The following PPP2R5A variants were observed in gnomAD, a reference collection of about 807,000 sequenced individuals.
PPP2R5A encodes the protein protein phosphatase 2 regulatory subunit B'alpha.
A neutral mutation model predicts 64.2 loss-of-function variants in PPP2R5A; 25 were observed. The ratio of observed to expected loss-of-function variants is 0.39; its 90% CI spans 0.28 to 0.54. The LOEUF (loss-of-function observed/expected upper bound fraction) is 0.54. Among genes scored for constraint, PPP2R5A ranks in the 20% least tolerant of loss-of-function variants. PPP2R5A has a pLI of 0.67. For synonymous variants in PPP2R5A, 198 were observed against 201.2 expected, an observed-to-expected ratio of 0.98 and a Z score of 0.13; for missense variants, 425 against 576.3, an observed-to-expected ratio of 0.74 and a Z score of 2.69.
chr1:212,286,186 C>T lies in PPP2R5A; in HGVS notation c.76C>T (p.Arg26Trp). ...CTCGGAGAAAGTGGACGGCTTCACC[C>T]GGAAATCGGTCCGCAAGGCGCAGAG... ...SASEKVDGFT[R>W]KSVRKAQRQK... is the part of the protein sequence containing the mutation. Residue 26 changes from arginine to tryptophan, a missense_variant, in exon 1 of 13, where the codon CGG (arginine) becomes TGG (tryptophan). This residue lies in a region of PPP2R5A where 104 missense variants were observed against 95.7 expected (regional missense o/e 1.09). Coordinates refer to ENST00000261461, the MANE Select transcript of PPP2R5A (RefSeq NM_006243.4). 1 of 1,589,680 alleles carries T rather than the reference C, an allele frequency of 6.3e-7. No individual in the cohort carries two copies. Among genetic ancestry groups the T allele is most frequent in the Non-Finnish European group, 8.6e-7 (1 of 1,169,452 alleles).
At chr1:212,290,379 A>G (rs1330178415) in intron 1 of PPP2R5A, among the ~76,000 whole-genome samples, 2 of 152,220 alleles carry the variant, frequency 1.3e-5, no homozygotes. Context: ...CTATCATTCC[A>G]TCTAAACACA....
Position 212,329,126 on chromosome 1 carries a change from T to C in PPP2R5A, c.182-9T>C. 6.8e-7 allele frequency: 1 copy of C among 1,476,324 alleles called. No homozygotes were observed. Among genetic ancestry groups the C allele is most frequent in the Non-Finnish European group, 9.0e-7 (1 of 1,110,022 alleles). The allele number at this position is 1,476,324 out of a possible 1,614,324, so 91.5% of individuals were successfully genotyped here. A position where few individuals can be genotyped will look rare whatever the true frequency, so the allele number is the denominator to read the frequency against. ...TTATTTCTAAGTTTTTCTTTATTTT[T>C]ATTTATAGATGCCACTTCAAATGAA... is the stretch of plus-strand genomic sequence containing the variant. On this transcript the variant is annotated splice_polypyrimidine_tract_variant and intron_variant, in intron 1 of 12. Transcript: ENST00000261461.
rs1250450331 is a variant in PPP2R5A at position 212,320,785 on chromosome 1, G to A, written c.182-8350G>A. Among the ~76,000 whole-genome samples the A allele has an allele frequency of 2.3e-3, 321 of 137,032 alleles. 1 individual carries two copies. The highest frequency in any genetic ancestry group is 4.2e-3 in the Non-Finnish European group (261 of 62,420). The allele number at this position is 137,032 out of a possible 152,430, so 89.9% of individuals were successfully genotyped here. On this transcript the variant is annotated intron_variant, in intron 1 of 12. Transcript: ENST00000261461. The stretch of plus-strand genomic sequence containing the variant: ...CGGGCAGAGGCGCCCCTCACCTCCC[G>A]GATGGTGCGGCTGGCCGGGCGGGGG...
intron 1 of PPP2R5A, among the ~76,000 whole-genome samples, chr1:212,318,883 ATTTTACATAAGGGACTTGAGCATCCTC>A: frequency 6.6e-6 from 1 of 152,232 alleles, no homozygotes; most frequent in Non-Finnish European, 1.5e-5. Flanking sequence ...ATACTAGACC[ATTTTACATAAGGGACTTGAGCATCCTC>A]AGATTTTTGT....
intron 3 of PPP2R5A, among the ~76,000 whole-genome samples, chr1:212,334,393 C>G (rs984416001): frequency 6.6e-6 from 1 of 152,040 alleles, no homozygotes; most frequent in African/African-American, 2.4e-5. Flanking sequence ...CTCCTGGGCT[C>G]AAGCCATCCT....
At chr1:212,328,431 A>G (rs746546156) in intron 1 of PPP2R5A, among the ~76,000 whole-genome samples, 2 of 152,238 alleles carry the variant, frequency 1.3e-5, no homozygotes, top group African/African-American at 2.4e-5. Flanking sequence ...AACATTGTGT[A>G]ATCTTCAGGG....
chr1:212,290,333 C>G (rs1274443773), intron 1 of PPP2R5A, among the ~76,000 whole-genome samples: 1 of 152,198 alleles, frequency 6.6e-6, no homozygotes. Context: ...GTACTACTCA[C>G]TCAACTTTTA....
chr1:212,299,392 C>T (rs12137798), intron 1 of PPP2R5A: 23,455 of 152,172 alleles, frequency 0.15, 2,498 homozygotes, highest in East Asian at 0.36. Flanking sequence ...TTATCAAGAA[C>T]TGATTAGAAT....
At chr1:212,287,730 G>C (rs1658529054) in intron 1 of PPP2R5A, among the ~76,000 whole-genome samples, 1 of 152,152 alleles carries the variant, frequency 6.6e-6, no homozygotes, top group South Asian at 2.1e-4. Flanking sequence ...TGATGTCATA[G>C]CTATAAAAGA....
intron 3 of PPP2R5A, among the ~76,000 whole-genome samples, chr1:212,338,225 GACA>G (rs1351432009): frequency 5.9e-5 from 9 of 152,202 alleles, no homozygotes; most frequent in Admixed American, 2.0e-4. Context: ...CCTTAGGAAA[GACA>G]TGGTCAGAAC....
In PPP2R5A at chr1:212,292,266, T is replaced by C. The variant is rs577794714; in HGVS notation, c.181+5975T>C. On this transcript the variant is annotated intron_variant, in intron 1 of 12. Transcript: ENST00000261461. ...TGTCTTTTCTGGTAACTGGTTTGAA[T>C]AATACTTCTGTTAGTTGATTTGTTG... is the stretch of plus-strand genomic sequence containing the variant. 7.2e-5 allele frequency among the ~76,000 whole-genome samples: 11 copies of C among 152,346 alleles called. No individual in the cohort carries two copies. The South Asian group carries it at 2.3e-3, about 32-fold the overall frequency.
At chr1:212,359,071 T>C (rs769820864) in intron 12 of PPP2R5A, among the ~76,000 whole-genome samples, 2 of 152,256 alleles carry the variant, frequency 1.3e-5, no homozygotes, top group Non-Finnish European at 2.9e-5. Context: ...ATGATTTTAA[T>C]GTGGATCATA....
intron 1 of PPP2R5A, among the ~76,000 whole-genome samples, chr1:212,321,218 G>C (rs12408016): frequency 0.54 from 73,808 of 135,616 alleles, 20,530 homozygotes; most frequent in South Asian, 0.61. Context: ...CTTCCCAGAC[G>C]GGGCGGCTGG....
At chr1:212,320,302 T>G (rs1305765888) in intron 1 of PPP2R5A, among the ~76,000 whole-genome samples, 1 of 152,004 alleles carries the variant, frequency 6.6e-6, no homozygotes, top group Admixed American at 6.6e-5. Context: ...CAGAAGAATG[T>G]TTCTTAGTAC....
At chr1:212,304,706 G>A (rs535368463) in intron 1 of PPP2R5A, among the ~76,000 whole-genome samples, 1 of 150,216 alleles carries the variant, frequency 6.7e-6, no homozygotes, top group African/African-American at 2.4e-5. Flanking sequence ...GAGCTTACAG[G>A]TACATGCTAC....
intron 5 of PPP2R5A, among the ~76,000 whole-genome samples, chr1:212,346,370 T>TCA (rs1659778014): frequency 6.6e-6 from 1 of 151,854 alleles, no homozygotes; most frequent in Non-Finnish European, 1.5e-5. Context: ...CATTTGCTTG[T>TCA]AGTCATCCCT....
At chr1:212,298,820 G>C (rs1658741894) in intron 1 of PPP2R5A, among the ~76,000 whole-genome samples, 1 of 39,112 alleles carries the variant, frequency 2.6e-5, no homozygotes, top group Non-Finnish European at 4.8e-5. Context: ...TTCCCAGTAG[G>C]GGCGGCCGGG....
chr1:212,355,400 C>A (rs1443520914), intron 8 of PPP2R5A, among the ~76,000 whole-genome samples: 1 of 152,102 alleles, frequency 6.6e-6, no homozygotes, highest in Non-Finnish European at 1.5e-5. Flanking sequence ...GTCTCCAAAA[C>A]AGTATCCTTC....
chr1:212,303,639 C>CT (rs1362410068), intron 1 of PPP2R5A, among the ~76,000 whole-genome samples: 3 of 152,052 alleles, frequency 2.0e-5, no homozygotes, highest in Non-Finnish European at 1.5e-5. Context: ...AAGATTTACT[C>CT]TGTGTTTTCT....
Sources: allele counts gnomAD v4.1 joint callset (sites outside exome capture counted in the v4.1 genomes callset), GRCh38; gene constraint gnomAD v4.1.1; regional missense constraint gnomAD v4.1.1; transcripts MANE v1.5; gene names NCBI Gene and HGNC (gene_info 2026-07-23, HGNC 2026-07-21).